Variants in GSPT2 observed in about 807,000 individuals in gnomAD.
The protein encoded by GSPT2 is G1 to S phase transition 2.
In GSPT2, 2 loss-of-function variants were observed where a neutral mutation model predicts 24.6. That is an observed-to-expected ratio of 0.08 (90% CI 0.03 to 0.26). GSPT2 has a LOEUF of 0.26. Ranked by LOEUF, GSPT2 falls within the 10% of genes least tolerant of loss-of-function variation. The pLI, the probability that GSPT2 is intolerant of heterozygous loss-of-function variation, is 1.00. For missense variants in GSPT2, 322 were observed against 489.6 expected (o/e 0.66, Z 3.23); for synonymous variants, 194 against 189.3 (o/e 1.02, Z -0.20).
At position 51,744,956 on chromosome X, in the gene GSPT2, A is replaced by C; in HGVS notation, c.1330A>C (p.Thr444Pro). Residue 444 changes from threonine to proline, a missense_variant, in exon 1 of 1, where the codon ACT becomes CCT. Thr to Pro is a conservative substitution (Grantham distance 38). Transcript: ENST00000340438. ...TGTGGATAAGTACAAAGATATGGGC[A>C]CTGTGGTCCTGGGAAAGCTGGAATC... ...PIVDKYKDMG[T>P]VVLGKLESGS... The C allele has an allele frequency of 8.3e-7, 1 of 1,208,710 alleles. No individual in the cohort carries two copies. Among genetic ancestry groups the C allele is most frequent in the Non-Finnish European group, 1.1e-6 (1 of 892,859 alleles).
Position 51,745,877 on chromosome X carries a change from TTG to T in GSPT2, c.*374_*375del. 1 of 163,666 alleles carries T rather than the reference TTG, an allele frequency of 6.1e-6. No individual in the cohort carries two copies. Among genetic ancestry groups the T allele is most frequent in the Non-Finnish European group, 1.3e-5 (1 of 79,457 alleles). 13.5% of individuals were successfully genotyped at this position (163,666 alleles called of 1,213,427 possible). A position where few individuals can be genotyped will look rare whatever the true frequency, so the allele number is the denominator to read the frequency against. On this transcript the variant is annotated 3_prime_UTR_variant, in exon 1 of 1. Coordinates refer to ENST00000340438, the MANE Select transcript of GSPT2 (RefSeq NM_018094.5). ...CACGCAAACCAGAGTGTGTCAGTGT[TTG>T]TGTGTGTGTTAAAATGATAACTAAC...
chrX:51,743,993 GGTTCCAA>G lies in GSPT2; in HGVS notation c.368_374del (p.Gly123ValfsTer13). 5 of 1,209,478 alleles carry G rather than the reference GGTTCCAA, an allele frequency of 4.1e-6. No homozygotes were observed. Among genetic ancestry groups the G allele is most frequent in the Non-Finnish European group, 5.6e-6 (5 of 894,284 alleles). On this transcript the variant is annotated frameshift_variant, in exon 1 of 1. Transcript: ENST00000340438. LOFTEE classifies it high-confidence loss of function. Reference sequence around the variant, plus strand: ...AGAGGAACCGTTAGTGTCGCTTGAAGGTTCCAATTCAGCCGTTACCATGGAACTTTCA... The same window carrying G: ...AGAGGAACCGTTAGTGTCGCTTGAAGTTCAGCCGTTACCATGGAACTTTCA...
Position 51,745,311 on chromosome X carries a change from A to G in GSPT2, c.1685A>G (p.Asp562Gly). The G allele has an allele frequency of 8.3e-7, 1 of 1,210,118 alleles. No homozygotes were observed. Among genetic ancestry groups the G allele is most frequent in the Non-Finnish European group, 1.1e-6 (1 of 894,043 alleles). Reference protein sequence around the residue: ...VEITALISLVDKKSGEKSKTR... With the variant: ...VEITALISLVGKKSGEKSKTR... Reference sequence around the variant, plus strand: ...ATAACAGCGTTAATCTCCTTGGTAGACAAAAAATCAGGAGAAAAAAGTAAG... The same window carrying G: ...ATAACAGCGTTAATCTCCTTGGTAGGCAAAAAATCAGGAGAAAAAAGTAAG... Residue 562 changes from aspartate to glycine, a missense_variant, in exon 1 of 1, where the codon GAC becomes GGC. Asp to Gly is a moderately conservative substitution (Grantham distance 94). Coordinates refer to ENST00000340438, the MANE Select transcript of GSPT2 (RefSeq NM_018094.5).
Position 51,744,170 on chromosome X carries a change from G to A in GSPT2, c.544G>A (p.Glu182Lys). ...AGAAAGTGGCCAGGAAATGATGGAG[G>A]AAAAAGAGGAAATAAGAAAATCCAA... ...PEESGQEMME[E>K]KEEIRKSKSV... Residue 182 changes from glutamate (E) to lysine (K), a missense_variant, in exon 1 of 1, where the codon GAA becomes AAA. Physicochemically the swap from Glu to Lys is moderately conservative, Grantham distance 56. Around this residue, in one of 4 missense-constraint regions of GSPT2, gnomAD observed 72 missense variants for 121.5 expected, o/e 0.59. Coordinates refer to ENST00000340438, the MANE Select transcript of GSPT2 (RefSeq NM_018094.5). 3 of 1,208,201 alleles carry A rather than the reference G, an allele frequency of 2.5e-6. No individual in the cohort carries two copies. Among genetic ancestry groups the A allele is most frequent in the Non-Finnish European group, 3.4e-6 (3 of 893,635 alleles).
rs2146749750 is a variant in GSPT2 at position 51,745,540 on chromosome X, T to C, written c.*27T>C. ...CAATTTTCTTGATGCCTCTGCAAGA[T>C]ACTGTGAGGAGAATTGACAGCAAAA... is the stretch of plus-strand genomic sequence containing the variant. On this transcript the variant is annotated 3_prime_UTR_variant, in exon 1 of 1. Transcript: ENST00000340438. The C allele has an allele frequency of 2.1e-6, 2 of 959,076 alleles. No individual in the cohort carries two copies. The highest frequency in any genetic ancestry group is 3.0e-6 in the Non-Finnish European group (2 of 676,803). The allele number at this position is 959,076 out of a possible 1,213,427, so 79.0% of individuals were successfully genotyped here. A position where few individuals can be genotyped will look rare whatever the true frequency, so the allele number is the denominator to read the frequency against.
At position 51,743,597 on chromosome X, in the gene GSPT2, C is replaced by T. The variant is rs1557348744; in HGVS notation, c.-30C>T. 8.7e-7 allele frequency: 1 copy of T among 1,155,510 alleles called. No individual in the cohort carries two copies. Among genetic ancestry groups the T allele is most frequent in the East Asian group, 3.0e-5 (1 of 33,380 alleles). ...CTCTTCTGGCCTGTTGAGCCCGCTC[C>T]CTCACTGCCACACAGCAAGTTCCGA... On this transcript the variant is annotated 5_prime_UTR_variant, in exon 1 of 1. Coordinates refer to ENST00000340438, the MANE Select transcript of GSPT2 (RefSeq NM_018094.5).
chrX:51,745,875 G>T lies in GSPT2; in HGVS notation c.*362G>T, dbSNP rs1428268278. On this transcript the variant is annotated 3_prime_UTR_variant, in exon 1 of 1. Coordinates refer to ENST00000340438, the MANE Select transcript of GSPT2 (RefSeq NM_018094.5). ...TCCACGCAAACCAGAGTGTGTCAGT[G>T]TTTGTGTGTGTGTTAAAATGATAAC... The T allele has an allele frequency of 6.2e-6, 1 of 161,758 alleles. No individual in the cohort carries two copies. The highest frequency in any genetic ancestry group is 7.8e-5 in the Admixed American group (1 of 12,848). The allele number at this position is 161,758 out of a possible 1,213,427, so 13.3% of individuals were successfully genotyped here.
rs782282888 is a variant in GSPT2 at position 51,743,903 on chromosome X, T to G, written c.277T>G (p.Cys93Gly). 1 of 1,204,936 alleles carries G rather than the reference T, an allele frequency of 8.3e-7. No homozygotes were observed. The highest frequency in any genetic ancestry group is 2.2e-5 in the Admixed American group (1 of 45,421). The change falls in exon 1 of 1, where the codon TGC becomes GGC. Residue 93 changes from cysteine to glycine, a missense_variant. This residue lies in a region of GSPT2 where 125 missense variants were observed against 121.3 expected (regional missense o/e 1.03). Coordinates refer to ENST00000340438, the MANE Select transcript of GSPT2 (RefSeq NM_018094.5). ...PAGSGSNDET[C>G]TGAGYPQGKR... ...CGGCTCCGGCAGCAACGATGAAACCTGCACCGGCGCGGGATACCCTCAAGG... is the reference window on the plus strand; with the variant it reads ...CGGCTCCGGCAGCAACGATGAAACCGGCACCGGCGCGGGATACCCTCAAGG...
In GSPT2 at chrX:51,744,345, G is replaced by C; in HGVS notation, c.719G>C (p.Arg240Thr). 1 of 1,211,037 alleles carries C rather than the reference G, an allele frequency of 8.3e-7. No individual in the cohort carries two copies. Among genetic ancestry groups the C allele is most frequent in the Non-Finnish European group, 1.1e-6 (1 of 894,898 alleles). The part of the protein sequence containing the change: ...VDKRTLEKYE[R>T]EAKEKNRETW... ...AAAAGAACACTGGAGAAATATGAAA[G>C]AGAAGCTAAGGAAAAAAACAGAGAA... The change falls in exon 1 of 1, where the codon AGA becomes ACA. Residue 240 changes from arginine to threonine, a missense_variant. Physicochemically the swap from Arg to Thr is moderately conservative, Grantham distance 71. Around this residue, in one of 4 missense-constraint regions of GSPT2, gnomAD observed 72 missense variants for 121.5 expected, o/e 0.59. Coordinates refer to ENST00000340438, the MANE Select transcript of GSPT2 (RefSeq NM_018094.5).
chrX:51,744,499 C>T lies in GSPT2; in HGVS notation c.873C>T (p.His291=), dbSNP rs782637723. Residue 291 remains histidine (H), a synonymous_variant, in exon 1 of 1, where the codon CAC becomes CAT. Transcript: ENST00000340438. ...KHFTILDAPG[H]KSFVPNMIGG... ...TCACAATTTTAGATGCCCCTGGCCA[C>T]AAGAGTTTTGTCCCAAATATGATTG... 8.3e-7 allele frequency: 1 copy of T among 1,211,408 alleles called. No homozygotes were observed. Among genetic ancestry groups the T allele is most frequent in the Non-Finnish European group, 1.1e-6 (1 of 895,403 alleles).
Position 51,745,742 on chromosome X carries a change from A to G in GSPT2, c.*229A>G, listed in dbSNP as rs1223067419. Reference sequence around the variant, plus strand: ...CTGTACCACTCTGCTTCCTTGGACAATATCAGTAATAGCTTTGTAAGTGAT... The same window carrying G: ...CTGTACCACTCTGCTTCCTTGGACAGTATCAGTAATAGCTTTGTAAGTGAT... On this transcript the variant is annotated 3_prime_UTR_variant, in exon 1 of 1. Coordinates refer to ENST00000340438, the MANE Select transcript of GSPT2 (RefSeq NM_018094.5). 7.7e-6 allele frequency: 3 copies of G among 390,546 alleles called. No homozygotes were observed. Among genetic ancestry groups the G allele is most frequent in the Admixed American group, 5.0e-5 (1 of 19,929 alleles). The allele number at this position is 390,546 out of a possible 1,213,427, so 32.2% of individuals were successfully genotyped here.
In GSPT2 at chrX:51,743,970, A is replaced by G; in HGVS notation, c.344A>G (p.Glu115Gly). 8.3e-7 allele frequency: 1 copy of G among 1,207,485 alleles called. No homozygotes were observed. Among genetic ancestry groups the G allele is most frequent in the Non-Finnish European group, 1.1e-6 (1 of 893,197 alleles). The change falls in exon 1 of 1, where the codon GAG (glutamate) becomes GGG (glycine). Residue 115 changes from glutamate (E) to glycine (G), a missense_variant. Coordinates refer to ENST00000340438, the MANE Select transcript of GSPT2 (RefSeq NM_018094.5). ...GGGGCACCTGTGGAACCTTCCCGAG[A>G]GGAACCGTTAGTGTCGCTTGAAGGT... ...GRGAPVEPSR[E>G]EPLVSLEGSN...
At position 51,745,501 on chromosome X, in the gene GSPT2, AGAGAAG is replaced by A; in HGVS notation, c.1878_1883del (p.Glu626_Lys627del). The A allele has an allele frequency of 8.4e-7, 1 of 1,185,678 alleles. No homozygotes were observed. Among genetic ancestry groups the A allele is most frequent in the Non-Finnish European group, 1.1e-6 (1 of 873,102 alleles). On this transcript the variant is annotated inframe_deletion, in exon 1 of 1. Transcript: ENST00000340438. Reference sequence around the variant, plus strand: ...TTGGAAAAGTTCTGAAATTGGTCCCAGAGAAGGACTAAGCAATTTTCTTGATGCCTC... The same window carrying A: ...TTGGAAAAGTTCTGAAATTGGTCCCAGACTAAGCAATTTTCTTGATGCCTC...
Position 51,744,183 on chromosome X carries a change from T to C in GSPT2, c.557T>C (p.Ile186Thr), listed in dbSNP as rs1431682415. ...GQEMMEEKEE[I>T]RKSKSVIVPS... ...GAAATGATGGAGGAAAAAGAGGAAA[T>C]AAGAAAATCCAAATCTGTGATCGTA... The change falls in exon 1 of 1, where the codon ATA (isoleucine) becomes ACA (threonine). Residue 186 changes from isoleucine to threonine, a missense_variant. Around this residue, in one of 4 missense-constraint regions of GSPT2, gnomAD observed 72 missense variants for 121.5 expected, o/e 0.59. Transcript: ENST00000340438. 1 of 1,207,946 alleles carries C rather than the reference T, an allele frequency of 8.3e-7. No homozygotes were observed. Among genetic ancestry groups the C allele is most frequent in the Non-Finnish European group, 1.1e-6 (1 of 893,703 alleles).
Position 51,743,477 on chromosome X carries a change from A to G in GSPT2, c.-150A>G. The G allele has an allele frequency of 2.2e-6, 1 of 447,792 alleles. No individual in the cohort carries two copies. Among genetic ancestry groups the G allele is most frequent in the Non-Finnish European group, 3.7e-6 (1 of 268,605 alleles). The allele number at this position is 447,792 out of a possible 1,213,427, so 36.9% of individuals were successfully genotyped here. On this transcript the variant is annotated 5_prime_UTR_variant, in exon 1 of 1. Coordinates refer to ENST00000340438, the MANE Select transcript of GSPT2 (RefSeq NM_018094.5). ...CTGCCGCCGCAGTTGCGAATGCAGCATCGGCGCTTAGCTGCCTCCGCGGTG... is the reference window on the plus strand; with the variant it reads ...CTGCCGCCGCAGTTGCGAATGCAGCGTCGGCGCTTAGCTGCCTCCGCGGTG...
rs1388957530 is a variant in GSPT2, at chrX:51,744,344, A to C, written c.718A>C (p.Arg240=). 2.5e-6 allele frequency: 3 copies of C among 1,211,184 alleles called. No individual in the cohort carries two copies. The highest frequency in any genetic ancestry group is 3.4e-6 in the Non-Finnish European group (3 of 894,903). Residue 240 remains arginine (R), a synonymous_variant, in exon 1 of 1, where the codon AGA becomes CGA. Coordinates refer to ENST00000340438, the MANE Select transcript of GSPT2 (RefSeq NM_018094.5). ...VDKRTLEKYE[R]EAKEKNRETW... ...CAAAAGAACACTGGAGAAATATGAA[A>C]GAGAAGCTAAGGAAAAAAACAGAGA... is the stretch of plus-strand genomic sequence containing the variant.
rs1006676488 is a variant in GSPT2, at chrX:51,745,889, T to G, written c.*376T>G. On this transcript the variant is annotated 3_prime_UTR_variant, in exon 1 of 1. Transcript: ENST00000340438. ...AGTGTGTCAGTGTTTGTGTGTGTGTTAAAATGATAACTAACATGTGAATAA... is the reference window on the plus strand; with the variant it reads ...AGTGTGTCAGTGTTTGTGTGTGTGTGAAAATGATAACTAACATGTGAATAA... The G allele has an allele frequency of 6.6e-6, 1 of 152,085 alleles. No individual in the cohort carries two copies. The allele number at this position is 152,085 out of a possible 1,213,427, so 12.5% of individuals were successfully genotyped here. A position where few individuals can be genotyped will look rare whatever the true frequency, so the allele number is the denominator to read the frequency against.
In GSPT2 at chrX:51,743,935, G is replaced by C; in HGVS notation, c.309G>C (p.Arg103Ser). 1 of 1,206,466 alleles carries C rather than the reference G, an allele frequency of 8.3e-7. No individual in the cohort carries two copies. The highest frequency in any genetic ancestry group is 3.0e-5 in the East Asian group (1 of 33,617). Residue 103 changes from arginine (R) to serine (S), a missense_variant, in exon 1 of 1, where the codon AGG becomes AGC. By Grantham distance (110) the Arg-to-Ser change is moderately radical. Around this residue, in one of 4 missense-constraint regions of GSPT2, gnomAD observed 125 missense variants for 121.3 expected, o/e 1.03. Transcript: ENST00000340438. ...CTGAGYPQGK[R>S]MGRGAPVEPS... is the part of the protein sequence containing the mutation. ...GCGCGGGATACCCTCAAGGTAAAAG[G>C]ATGGGACGGGGGGCACCTGTGGAAC...
chrX:51,745,595 T>C lies in GSPT2; in HGVS notation c.*82T>C. The C allele has an allele frequency of 1.7e-6, 1 of 594,864 alleles. No homozygotes were observed. Among genetic ancestry groups the C allele is most frequent in the Non-Finnish European group, 2.7e-6 (1 of 368,449 alleles). The allele number at this position is 594,864 out of a possible 1,213,427, so 49.0% of individuals were successfully genotyped here. On this transcript the variant is annotated 3_prime_UTR_variant, in exon 1 of 1. Coordinates refer to ENST00000340438, the MANE Select transcript of GSPT2 (RefSeq NM_018094.5). ...ACCACCTACTCTTATTTACTGCCCA[T>C]TGATTGACTTTTCTTCATATTTTGC...
Sources: gnomAD v4.1 joint callset for allele counts on GRCh38, gnomAD v4.1.1 for gene constraint, gnomAD v4.1.1 regional missense constraint, MANE v1.5 for transcripts, NCBI Gene and HGNC (gene_info 2026-07-23, HGNC 2026-07-21) for gene names.